DPY19L2: variants seen among roughly 807,000 people sequenced by gnomAD.
DPY19L2 encodes the protein probable C-mannosyltransferase DPY19L2.
Under a neutral mutation model 97.9 loss-of-function variants are expected in DPY19L2, and 34 were observed. That is an observed-to-expected ratio of 0.35 (90% CI 0.26 to 0.46). The LOEUF is 0.46. DPY19L2 is among the 20% of genes least tolerant of loss of function. DPY19L2 has a pLI of 1.00. For missense variants in DPY19L2, 623 were observed against 911.4 expected, an observed-to-expected ratio of 0.68 and a Z score of 4.07; for synonymous variants, 230 against 307.9, an observed-to-expected ratio of 0.75 and a Z score of 2.65.
At chr12:63,587,580 T>G (rs905598109) in intron 16 of DPY19L2, among the ~76,000 whole-genome samples, 1 of 147,284 alleles carries the variant, frequency 6.8e-6, no homozygotes, top group Non-Finnish European at 1.5e-5. Flanking sequence ...ATTATTATTA[T>G]TATTATTATT....
chr12:63,592,879 C>T (rs1450460700), intron 16 of DPY19L2, among the ~76,000 whole-genome samples: 13 of 151,972 alleles, frequency 8.6e-5, no homozygotes, highest in Non-Finnish European at 1.8e-4. Context: ...AAAATTTTCA[C>T]AACCTACTCA....
At chr12:63,632,243 G>A (rs576878087) in intron 6 of DPY19L2, among the ~76,000 whole-genome samples, 1 of 152,160 alleles carries the variant, frequency 6.6e-6, no homozygotes, top group East Asian at 1.9e-4. Context: ...GGAAATAAAA[G>A]GTATTCAATT....
intron 9 of DPY19L2, among the ~76,000 whole-genome samples, chr12:63,618,890 T>G (rs971346317): frequency 2.6e-5 from 4 of 152,144 alleles, no homozygotes; most frequent in African/African-American, 9.7e-5. Context: ...ACAAAAGATT[T>G]AGATCAGGGA....
In DPY19L2 at chr12:63,591,940, TGAAAAGAAAAGAAAAGAAAA is replaced by T. The variant is rs371807048; in HGVS notation, c.1580+2127_1580+2146del. Among the ~76,000 whole-genome samples, 497 of 62,128 alleles carry T rather than the reference TGAAAAGAAAAGAAAAGAAAA, an allele frequency of 8.0e-3. 20 individuals are homozygous for T. Among genetic ancestry groups the T allele is most frequent in the African/African-American group, 0.041 (468 of 11,304 alleles). 40.8% of individuals were successfully genotyped at this position (62,128 alleles called of 152,430 possible). On this transcript the variant is annotated intron_variant, in intron 16 of 21. Transcript: ENST00000324472. ...GCCTGGCTGACAGAGCAAGACTCTG[TGAAAAGAAAAGAAAAGAAAA>T]GAAAAGAAAAGAAAAGAGGGGAAGG...
intron 11 of DPY19L2, among the ~76,000 whole-genome samples, chr12:63,611,464 T>C (rs1308898388): frequency 6.6e-6 from 1 of 151,794 alleles, no homozygotes; most frequent in Non-Finnish European, 1.5e-5. Flanking sequence ...AAGAAACAAT[T>C]AATTGAAACC....
intron 15 of DPY19L2, 47 bp from the exon 16 acceptor site, chr12:63,594,180 A>G (rs1883689725): frequency 7.6e-7 from 1 of 1,308,222 alleles, no homozygotes; most frequent in African/African-American, 1.5e-5. Context: ...GAATACTGCA[A>G]TATTTAAAAT....
intron 21 of DPY19L2, among the ~76,000 whole-genome samples, chr12:63,562,374 T>C (rs1351241356): frequency 1.3e-5 from 2 of 152,118 alleles, no homozygotes; most frequent in Non-Finnish European, 2.9e-5. Context: ...TATTAGTGAG[T>C]AATATTTACA....
intron 5 of DPY19L2, among the ~76,000 whole-genome samples, chr12:63,644,960 G>A (rs556993753): frequency 6.6e-6 from 1 of 151,990 alleles, no homozygotes; most frequent in Admixed American, 6.6e-5. Context: ...TCTTTTGCTA[G>A]GTTCTAGGAA....
At chr12:63,565,673 C>G (rs541141338) in intron 21 of DPY19L2, among the ~76,000 whole-genome samples, 2 of 152,236 alleles carry the variant, frequency 1.3e-5, no homozygotes, top group South Asian at 4.2e-4. Flanking sequence ...TCCATTTACA[C>G]TTAATGTGAT....
At chr12:63,636,853 G>A (rs7965747) in intron 6 of DPY19L2, among the ~76,000 whole-genome samples, 108,155 of 151,926 alleles carry the variant, frequency 0.71, 39,400 homozygotes, top group African/African-American at 0.87. Context: ...TTAACACCAC[G>A]CTGTCAACAT....
chr12:63,578,721 A>G (rs1190710331), intron 19 of DPY19L2, among the ~76,000 whole-genome samples: 1 of 152,096 alleles, frequency 6.6e-6, no homozygotes. Flanking sequence ...AAGCTAGTCA[A>G]AGAATGTGTA....
At chr12:63,645,999 C>T (rs576909999) in intron 5 of DPY19L2, among the ~76,000 whole-genome samples, 14 of 152,246 alleles carry the variant, frequency 9.2e-5, no homozygotes, top group Admixed American at 2.6e-4. Context: ...TCTTCTCCAT[C>T]GCTTCTAGGA....
At chr12:63,618,714 C>T (rs1888220821) in intron 9 of DPY19L2, among the ~76,000 whole-genome samples, 2 of 152,068 alleles carry the variant, frequency 1.3e-5, no homozygotes, top group African/African-American at 4.8e-5. Flanking sequence ...AGACTGAAAC[C>T]CATCTACGGA....
At chr12:63,626,383 C>G in intron 7 of DPY19L2, 86 bp downstream of exon 7, 2 of 1,374,086 alleles carry the variant, frequency 1.5e-6, no homozygotes, top group Non-Finnish European at 2.0e-6. Flanking sequence ...AAGTAGTATA[C>G]AATTAAATAT....
chr12:63,659,989 C>G (rs1251776091), intron 4 of DPY19L2, among the ~76,000 whole-genome samples: 2 of 151,958 alleles, frequency 1.3e-5, no homozygotes, highest in East Asian at 3.9e-4. Flanking sequence ...CAAATTAAAA[C>G]AAAAAAGCAT....
chr12:63,570,973 C>T (rs1329400474), intron 19 of DPY19L2, 116 bp from the exon 20 acceptor site: 10 of 979,160 alleles, frequency 1.0e-5, no homozygotes, highest in African/African-American at 1.7e-5. Context: ...TTTACATGAC[C>T]ATGGACCTCA....
chr12:63,592,486 A>G (rs1339468375), intron 16 of DPY19L2, among the ~76,000 whole-genome samples: 7 of 148,828 alleles, frequency 4.7e-5, no homozygotes, highest in Non-Finnish European at 8.9e-5. Flanking sequence ...ATAACGCCGC[A>G]TATCTACAAC....
chr12:63,614,190 CAAAA>C (rs56375248), intron 11 of DPY19L2, among the ~76,000 whole-genome samples: 4 of 114,066 alleles, frequency 3.5e-5, no homozygotes, highest in African/African-American at 3.2e-5. Flanking sequence ...AACTCCGTCT[CAAAA>C]AAAAAAAAAA....
intron 16 of DPY19L2, among the ~76,000 whole-genome samples, chr12:63,593,807 AAT>A (rs985645975): frequency 1.1e-4 from 17 of 152,178 alleles, no homozygotes; most frequent in African/African-American, 3.9e-4. Context: ...AATAAAAAAA[AAT>A]AAATCTTTAG....
Sources: gnomAD v4.1 joint callset for allele counts (sites outside exome capture counted in the v4.1 genomes callset) on GRCh38, gnomAD v4.1.1 for gene constraint, MANE v1.5 for transcripts, NCBI Gene and HGNC (gene_info 2026-07-23, HGNC 2026-07-21) for gene names.